SULF1: variants seen among roughly 807,000 people sequenced by gnomAD.
The protein encoded by SULF1 is sulfatase 1.
A neutral mutation model predicts 110.5 loss-of-function variants in SULF1; 46 were observed. The observed-to-expected ratio is 0.42, with a 90% CI of 0.33 to 0.53. The LOEUF is 0.53. Among genes scored for constraint, SULF1 ranks in the 20% least tolerant of loss-of-function variants. The pLI, the probability that SULF1 is intolerant of heterozygous loss-of-function variation, is 0.12. For missense variants in SULF1, 941 were observed against 1,094.2 expected, an observed-to-expected ratio of 0.86 and a Z score of 1.98; for synonymous variants, 371 against 387.1, an observed-to-expected ratio of 0.96 and a Z score of 0.49.
At chr8:69,546,483 G>A (rs908820476) in intron 3 of SULF1, among the ~76,000 whole-genome samples, 1 of 152,194 alleles carries the variant, frequency 6.6e-6, no homozygotes, top group African/African-American at 2.4e-5. Context: ...TCCAGCTGCT[G>A]TCCACAGGAA....
chr8:69,514,785 A>G (rs1811810247), intron 3 of SULF1, among the ~76,000 whole-genome samples: 1 of 152,254 alleles, frequency 6.6e-6, no homozygotes, highest in African/African-American at 2.4e-5. Context: ...GGGAGAAATC[A>G]GCCACAACAA....
Position 69,550,644 on chromosome 8 carries a change from C to A in SULF1, c.-133-12895C>A. 1.3e-5 allele frequency among the ~76,000 whole-genome samples: 2 copies of A among 152,200 alleles called. 1 individual carries two copies. Among genetic ancestry groups the A allele is most frequent in the South Asian group, 4.2e-4 (2 of 4,818 alleles). On this transcript the variant is annotated intron_variant, in intron 3 of 22. Coordinates refer to ENST00000402687, the MANE Select transcript of SULF1 (RefSeq NM_001128205.2). ...TGAACCCTTTCGGTTGTGCCCAGAT[C>A]CCGGCACTAGTCCACGTGGTGCTGG...
rs113319346 is a variant in SULF1, at chr8:69,531,466, C to G, written c.-134+29498C>G. On this transcript the variant is annotated intron_variant, in intron 3 of 22. Coordinates refer to ENST00000402687, the MANE Select transcript of SULF1 (RefSeq NM_001128205.2). ...GCCACCACCCACCTCTCCTCCACCT[C>G]AACTCACTAAGTGTTCTCTTCTGCT... Among the ~76,000 whole-genome samples the G allele has an allele frequency of 9.2e-3, 1,401 of 152,212 alleles. 22 individuals are homozygous for G. Among genetic ancestry groups the G allele is most frequent in the African/African-American group, 0.031 (1,274 of 41,540 alleles).
chr8:69,627,022 G>A (rs936258861), intron 15 of SULF1, among the ~76,000 whole-genome samples, 188 bp from the exon 16 acceptor site: 2 of 152,160 alleles, frequency 1.3e-5, no homozygotes, highest in African/African-American at 4.8e-5. Flanking sequence ...CTGCCAGCAC[G>A]CTGTCACGAC....
chr8:69,530,434 A>G (rs1048824695), intron 3 of SULF1, among the ~76,000 whole-genome samples: 5 of 152,174 alleles, frequency 3.3e-5, no homozygotes, highest in Non-Finnish European at 7.3e-5. Context: ...CTTTGCTGAA[A>G]TGAACTTTAG....
At chr8:69,531,566 T>C (rs1474314851) in intron 3 of SULF1, among the ~76,000 whole-genome samples, 1 of 152,224 alleles carries the variant, frequency 6.6e-6, no homozygotes, top group Non-Finnish European at 1.5e-5. Context: ...TATATTGTGC[T>C]TCTGCAAAAA....
At chr8:69,473,516 A>T (rs1383952239) in intron 1 of SULF1, among the ~76,000 whole-genome samples, 1 of 152,232 alleles carries the variant, frequency 6.6e-6, no homozygotes, top group Non-Finnish European at 1.5e-5. Flanking sequence ...GCAAGAGTCC[A>T]CATGGCTCTT....
At chr8:69,578,901 C>A (rs979453333) in intron 6 of SULF1, among the ~76,000 whole-genome samples, 1 of 151,380 alleles carries the variant, frequency 6.6e-6, no homozygotes, top group African/African-American at 2.4e-5. Context: ...CGGTGGCTCA[C>A]GCCTGTAATC....
chr8:69,485,013 T>G (rs2150546930), intron 1 of SULF1, among the ~76,000 whole-genome samples: 1 of 152,248 alleles, frequency 6.6e-6, no homozygotes, highest in South Asian at 2.1e-4. Context: ...TACAGCCAGC[T>G]TTCCAAGGTG....
intron 19 of SULF1, among the ~76,000 whole-genome samples, chr8:69,634,437 G>A (rs4617163): frequency 0.016 from 2,416 of 152,196 alleles, 63 homozygotes; most frequent in African/African-American, 0.055. Flanking sequence ...GACTGTTTGC[G>A]TTAAATAAAA....
At chr8:69,588,715 TC>T (rs1806648515) in intron 7 of SULF1, among the ~76,000 whole-genome samples, 2 of 152,178 alleles carry the variant, frequency 1.3e-5, no homozygotes, top group African/African-American at 2.4e-5. Context: ...ACTTTTTTTT[TC>T]CCCATTGCTA....
chr8:69,579,874 A>T (rs1805943463), intron 6 of SULF1, among the ~76,000 whole-genome samples: 1 of 152,158 alleles, frequency 6.6e-6, no homozygotes, highest in South Asian at 2.1e-4. Flanking sequence ...CCTAATAATG[A>T]ATTTATTATT....
At chr8:69,580,959 C>T (rs1806021794) in intron 6 of SULF1, among the ~76,000 whole-genome samples, 1 of 152,088 alleles carries the variant, frequency 6.6e-6, no homozygotes, top group Non-Finnish European at 1.5e-5. Flanking sequence ...GTAGAGTTCA[C>T]TTAAAGTAAG....
chr8:69,555,620 G>A (rs1815061101), intron 3 of SULF1, among the ~76,000 whole-genome samples: 1 of 151,598 alleles, frequency 6.6e-6, no homozygotes, highest in Non-Finnish European at 1.5e-5. Flanking sequence ...TCTTGCCACT[G>A]CACTCCAGCC....
At chr8:69,596,504 T>C (rs1299201235) in intron 8 of SULF1, among the ~76,000 whole-genome samples, 3 of 152,154 alleles carry the variant, frequency 2.0e-5, no homozygotes, top group Non-Finnish European at 4.4e-5. Context: ...TGGGAAGATA[T>C]CTGATTGGGA....
At chr8:69,504,323 G>A (rs1472831839) in intron 3 of SULF1, among the ~76,000 whole-genome samples, 5 of 152,110 alleles carry the variant, frequency 3.3e-5, no homozygotes, top group Admixed American at 6.5e-5. Context: ...ATCAGCTGAG[G>A]TCAGTGGATC....
intron 1 of SULF1, among the ~76,000 whole-genome samples, chr8:69,484,422 T>C (rs571822638): frequency 6.6e-6 from 1 of 152,288 alleles, no homozygotes; most frequent in Non-Finnish European, 1.5e-5. Context: ...TCTTACATGA[T>C]CTAAATACTT....
At chr8:69,603,080 G>A in intron 10 of SULF1, 112 bp from the exon 11 acceptor site, 1 of 1,455,896 alleles carries the variant, frequency 6.9e-7, no homozygotes, top group Admixed American at 1.8e-5. Context: ...GAGACCAGAT[G>A]AGAGGGTGAG....
At chr8:69,497,155 C>CTTTTT (rs5892193) in intron 2 of SULF1, among the ~76,000 whole-genome samples, 3 of 121,708 alleles carry the variant, frequency 2.5e-5, no homozygotes, top group Admixed American at 8.9e-5. Context: ...GTTCTTTTCT[C>CTTTTT]TTTTTTTTTT....
Sources: allele counts gnomAD v4.1 joint callset (sites outside exome capture counted in the v4.1 genomes callset), GRCh38; gene constraint gnomAD v4.1.1; transcripts MANE v1.5; gene names NCBI Gene and HGNC (gene_info 2026-07-23, HGNC 2026-07-21).